Variants in CRTAM observed in about 807,000 individuals in gnomAD.
CRTAM encodes cytotoxic and regulatory T-cell molecule.
Under a neutral mutation model 50.0 loss-of-function variants are expected in CRTAM, and 44 were observed. The observed-to-expected ratio is 0.88, with a 90% CI of 0.69 to 1.13. CRTAM has a LOEUF of 1.13. Among genes scored for constraint, CRTAM ranks in the 50% most tolerant of loss-of-function variants. The pLI is 0.00. For missense variants in CRTAM, 448 were observed against 457.5 expected (o/e 0.98, Z 0.19); for synonymous variants, 159 against 169.3 (o/e 0.94, Z 0.47).
chr11:122,859,546 C>A (rs1337215427), intron 5 of CRTAM, among the ~76,000 whole-genome samples: 2 of 152,146 alleles, frequency 1.3e-5, no homozygotes, highest in Non-Finnish European at 2.9e-5. Context: ...GTTCTTGTAA[C>A]TTTTGCATTC....
chr11:122,860,639 A>G (rs148574713), intron 5 of CRTAM, among the ~76,000 whole-genome samples: 222 of 152,340 alleles, frequency 1.5e-3, no homozygotes, highest in Middle Eastern at 3.4e-3. Context: ...CATAGTATAT[A>G]CTATGTTAGA....
chr11:122,865,939 G>A (rs906280512), intron 7 of CRTAM, among the ~76,000 whole-genome samples: 2 of 152,034 alleles, frequency 1.3e-5, no homozygotes, highest in Admixed American at 6.6e-5. Flanking sequence ...CACTGTTAAC[G>A]TCCCAATCCA....
At chr11:122,839,098 A>AT (rs1408559370) in intron 1 of CRTAM, among the ~76,000 whole-genome samples, 1 of 151,558 alleles carries the variant, frequency 6.6e-6, no homozygotes, top group Non-Finnish European at 1.5e-5. Flanking sequence ...CGCCCGGCTA[A>AT]TTTTTTTATA....
At chr11:122,862,910 G>C (rs1201397786) in intron 6 of CRTAM, among the ~76,000 whole-genome samples, 1 of 152,192 alleles carries the variant, frequency 6.6e-6, no homozygotes, top group African/African-American at 2.4e-5. Flanking sequence ...CCCATCTGAA[G>C]CACACCAAAC....
intron 4 of CRTAM, among the ~76,000 whole-genome samples, 198 bp from the exon 5 acceptor site, chr11:122,855,497 T>C (rs1013055532): frequency 3.3e-5 from 5 of 152,218 alleles, no homozygotes; most frequent in Admixed American, 3.3e-4. Context: ...AGTGAAAAGT[T>C]TGTAGAAAAC....
chr11:122,864,000 C>A (rs1000276762), intron 6 of CRTAM, among the ~76,000 whole-genome samples: 12 of 152,048 alleles, frequency 7.9e-5, no homozygotes, highest in South Asian at 4.1e-4. Context: ...GAAAAAAAAA[C>A]CACACAGTTT....
rs545818446 is a variant in CRTAM at position 122,847,352 on chromosome 11, T to C, written c.47-2716T>C. Among the ~76,000 whole-genome samples, 4 of 152,266 alleles carry C rather than the reference T, an allele frequency of 2.6e-5. No homozygotes were observed. The East Asian group carries it at 5.8e-4, about 22-fold the overall frequency. On this transcript the variant is annotated intron_variant, in intron 1 of 9. Coordinates refer to ENST00000227348, the MANE Select transcript of CRTAM (RefSeq NM_019604.4). ...CAACAGGTTCAGATGGTACAAAGCC[T>C]AGGGGTCTATTGACAGATAAGACAA...
chr11:122,868,201 T>C, intron 9 of CRTAM, 102 bp downstream of exon 9: 1 of 558,862 alleles, frequency 1.8e-6, no homozygotes, highest in East Asian at 3.1e-5. Context: ...TGTGTGTGTG[T>C]GTGTGTGTGT....
chr11:122,854,479 C>G (rs1861978794), intron 4 of CRTAM, among the ~76,000 whole-genome samples: 1 of 151,884 alleles, frequency 6.6e-6, no homozygotes, highest in Non-Finnish European at 1.5e-5. Context: ...TCGAGACCAG[C>G]CTGACCAACA....
At chr11:122,838,766 T>G (rs574104739) in intron 1 of CRTAM, among the ~76,000 whole-genome samples, 174 bp downstream of exon 1, 2 of 152,114 alleles carry the variant, frequency 1.3e-5, no homozygotes, top group African/African-American at 2.4e-5. Flanking sequence ...GTTACTGCGT[T>G]TATTTGATCT....
At position 122,871,348 on chromosome 11, in the gene CRTAM, A is replaced by G. The variant is rs1284495838; in HGVS notation, c.1131A>G (p.Gln377=). The change falls in exon 10 of 10, where the codon CAA becomes CAG. Residue 377 remains glutamine (Q), a synonymous_variant. Transcript: ENST00000227348. ...AAACAAAGAGGAAGGAAAATGTACA[A>G]CATTCAAAATTAGAAGAAAAGCACA... The part of the protein sequence containing the change: ...EAKTKRKENV[Q]HSKLEEKHIQ... 4 of 1,613,742 alleles carry G rather than the reference A, an allele frequency of 2.5e-6. No individual in the cohort carries two copies. The highest frequency in any genetic ancestry group is 3.4e-6 in the Non-Finnish European group (4 of 1,179,768).
intron 9 of CRTAM, among the ~76,000 whole-genome samples, chr11:122,870,698 C>A (rs1862241966): frequency 6.6e-6 from 1 of 152,178 alleles, no homozygotes; most frequent in African/African-American, 2.4e-5. Context: ...ATGTTATGGT[C>A]AGCAACAGAT....
At chr11:122,866,216 T>C (rs1862171357) in intron 7 of CRTAM, among the ~76,000 whole-genome samples, 2 of 152,164 alleles carry the variant, frequency 1.3e-5, no homozygotes, top group South Asian at 4.1e-4. Context: ...TCAATCGCCC[T>C]GCCCTTGTTT....
At chr11:122,849,351 A>G (rs559889940) in intron 1 of CRTAM, among the ~76,000 whole-genome samples, 5 of 152,342 alleles carry the variant, frequency 3.3e-5, no homozygotes, top group South Asian at 4.1e-4. Context: ...TCCCAGCTCA[A>G]TGACCTCTGT....
At chr11:122,869,929 G>A (rs1862233042) in intron 9 of CRTAM, among the ~76,000 whole-genome samples, 1 of 152,172 alleles carries the variant, frequency 6.6e-6, no homozygotes, top group Admixed American at 6.5e-5. Flanking sequence ...TACTCACCTG[G>A]TGGACAGGAA....
Position 122,862,551 on chromosome 11 carries a change from G to T in CRTAM, c.733+7G>T. 11 of 1,524,960 alleles carry T rather than the reference G, an allele frequency of 7.2e-6. No individual in the cohort carries two copies. Among genetic ancestry groups the T allele is most frequent in the Non-Finnish European group, 9.9e-6 (11 of 1,113,750 alleles). The allele number at this position is 1,524,960 out of a possible 1,614,324, so 94.5% of individuals were successfully genotyped here. A position where few individuals can be genotyped will look rare whatever the true frequency, so the allele number is the denominator to read the frequency against. On this transcript the variant is annotated splice_region_variant and intron_variant, in intron 6 of 9. Transcript: ENST00000227348. ...CAGCAGCCCACCAGTACTGGTAAGT[G>T]TCAAAATCATTCAAACTTGTTTTTA...
intron 5 of CRTAM, 29 bp from the exon 6 acceptor site, chr11:122,862,435 A>G: frequency 7.0e-7 from 1 of 1,425,818 alleles, no homozygotes; most frequent in East Asian, 2.3e-5. Flanking sequence ...TCTCTATAGT[A>G]GCAGAATTTT....
chr11:122,858,273 G>C (rs1378468767), intron 5 of CRTAM, among the ~76,000 whole-genome samples: 2 of 152,036 alleles, frequency 1.3e-5, no homozygotes, highest in Non-Finnish European at 1.5e-5. Flanking sequence ...TGCCCAGGCT[G>C]GAAGGCAGTG....
rs531167431 is a variant in CRTAM at position 122,843,109 on chromosome 11, G to A, written c.46+4517G>A. Among the ~76,000 whole-genome samples the A allele has an allele frequency of 1.8e-4, 27 of 152,264 alleles. No homozygotes were observed. In the East Asian group the frequency reaches 3.3e-3, roughly 18 times the overall value. ...CTTGGGAAAGACCAAAAAATCTTACGAACTGCACTGGTTTTGTCTATGTGT... is the reference window on the plus strand; with the variant it reads ...CTTGGGAAAGACCAAAAAATCTTACAAACTGCACTGGTTTTGTCTATGTGT... On this transcript the variant is annotated intron_variant, in intron 1 of 9. Coordinates refer to ENST00000227348, the MANE Select transcript of CRTAM (RefSeq NM_019604.4).
Sources: gnomAD v4.1 joint callset for allele counts (sites outside exome capture counted in the v4.1 genomes callset) on GRCh38, gnomAD v4.1.1 for gene constraint, MANE v1.5 for transcripts, NCBI Gene and HGNC (gene_info 2026-07-23, HGNC 2026-07-21) for gene names.